The following UBE4B variants were observed in gnomAD, a reference collection of about 807,000 sequenced individuals.
The protein encoded by UBE4B is ubiquitin conjugation factor E4 B.
Under a neutral mutation model 148.1 loss-of-function variants are expected in UBE4B, and 27 were observed. That is an observed-to-expected ratio of 0.18 (90% CI 0.13 to 0.25). The LOEUF is 0.25. Among genes scored for constraint, UBE4B ranks in the 10% least tolerant of loss-of-function variants. UBE4B has a pLI of 1.00. For synonymous variants in UBE4B, 596 were observed against 619.3 expected, an observed-to-expected ratio of 0.96 and a Z score of 0.56; for missense variants, 1,170 against 1,662.4, an observed-to-expected ratio of 0.70 and a Z score of 5.15.
At chr1:10,102,107 GACAA>G (rs1178681734) in intron 4 of UBE4B, among the ~76,000 whole-genome samples, 8 of 151,390 alleles carry the variant, frequency 5.3e-5, no homozygotes, top group East Asian at 1.9e-4. Context: ...CAAAAATAAA[GACAA>G]ACAAAGGAAA....
At chr1:10,100,208 C>T (rs1644988236) in intron 3 of UBE4B, among the ~76,000 whole-genome samples, 1 of 152,140 alleles carries the variant, frequency 6.6e-6, no homozygotes, top group Admixed American at 6.5e-5. Flanking sequence ...CCAGGATGGT[C>T]TCGATTTCCT....
chr1:10,066,065 C>G (rs955894603), intron 1 of UBE4B, among the ~76,000 whole-genome samples: 6 of 140,700 alleles, frequency 4.3e-5, no homozygotes, highest in African/African-American at 1.6e-4. Context: ...CACTCCTTCC[C>G]TCTCTCCCTC....
chr1:10,068,855 G>A (rs917233934), intron 1 of UBE4B, among the ~76,000 whole-genome samples: 1 of 152,218 alleles, frequency 6.6e-6, no homozygotes, highest in African/African-American at 2.4e-5. Flanking sequence ...TCTACTGAGA[G>A]CCCTGCTGTG....
Position 10,091,296 on chromosome 1 carries a change from GGAGAGGGCAT to G in UBE4B, c.212-4162_212-4153del, listed in dbSNP as rs1414697353. Reference sequence around the variant, plus strand: ...ACCATGATTCCTCAAGTTTGGGGTGGGAGAGGGCATGAAGACAAGGGAGTGTGTGAGGTTT... The same window carrying G: ...ACCATGATTCCTCAAGTTTGGGGTGGGAAGACAAGGGAGTGTGTGAGGTTT... On this transcript the variant is annotated intron_variant, in intron 2 of 27. Coordinates refer to ENST00000343090, the MANE Select transcript of UBE4B (RefSeq NM_001105562.3). Among the ~76,000 whole-genome samples the G allele has an allele frequency of 2.3e-4, 35 of 152,314 alleles. 1 individual carries two copies. The South Asian group carries it at 6.4e-3, about 28-fold the overall frequency.
Position 10,151,433 on chromosome 1 carries a change from A to G in UBE4B, c.2798A>G (p.Lys933Arg), listed in dbSNP as rs1177437032. 1.2e-6 allele frequency: 2 copies of G among 1,614,148 alleles called. No individual in the cohort carries two copies. The highest frequency in any genetic ancestry group is 8.5e-7 in the Non-Finnish European group (1 of 1,180,032). ...ATCCGAAACCCATATTTGGTGGCCAAACTGGTAGAAGTCATGTTTATGACC... is the reference window on the plus strand; with the variant it reads ...ATCCGAAACCCATATTTGGTGGCCAGACTGGTAGAAGTCATGTTTATGACC... Reference protein sequence around the residue: ...NYIRNPYLVAKLVEVMFMTNP... With the variant: ...NYIRNPYLVARLVEVMFMTNP... Residue 933 changes from lysine to arginine, a missense_variant, in exon 21 of 28, where the codon AAA (lysine) becomes AGA (arginine). Coordinates refer to ENST00000343090, the MANE Select transcript of UBE4B (RefSeq NM_001105562.3).
chr1:10,068,381 G>A (rs1644425607), intron 1 of UBE4B, among the ~76,000 whole-genome samples: 2 of 147,772 alleles, frequency 1.4e-5, no homozygotes, highest in South Asian at 2.1e-4. Context: ...CAGGAGTCTC[G>A]CTCTGTTGCC....
Position 10,179,433 on chromosome 1 carries a change from C to T in UBE4B, c.3718C>T (p.Leu1240Phe). The T allele has an allele frequency of 6.2e-7, 1 of 1,614,010 alleles. No homozygotes were observed. Among genetic ancestry groups the T allele is most frequent in the Non-Finnish European group, 8.5e-7 (1 of 1,180,038 alleles). ...DEFRDPLMDTLMTDPVRLPSG... is the reference protein window; with the variant it reads ...DEFRDPLMDTFMTDPVRLPSG... ...CCCCGCAGACCCTCTGATGGACACC[C>T]TCATGACAGACCCCGTGCGGCTGCC... The change falls in exon 27 of 28, where the codon CTC becomes TTC. Residue 1240 changes from leucine to phenylalanine, a missense_variant. Around this residue, in one of 6 missense-constraint regions of UBE4B, gnomAD observed 348 missense variants for 627.2 expected, o/e 0.55. Transcript: ENST00000343090.
intron 2 of UBE4B, among the ~76,000 whole-genome samples, chr1:10,074,527 C>G (rs1178382651): frequency 6.6e-6 from 1 of 152,176 alleles, no homozygotes; most frequent in African/African-American, 2.4e-5. Flanking sequence ...CCCTTGCACT[C>G]TTTGCTGAAT....
chr1:10,132,308 A>G (rs1472467201), intron 14 of UBE4B, 61 bp from the exon 15 acceptor site: 1 of 1,383,160 alleles, frequency 7.2e-7, no homozygotes, highest in African/African-American at 1.4e-5. Flanking sequence ...TCGTGAAGTC[A>G]AAAAGGAATC....
At chr1:10,132,240 G>T in intron 14 of UBE4B, 129 bp from the exon 15 acceptor site, 1 of 637,792 alleles carries the variant, frequency 1.6e-6, no homozygotes, top group Non-Finnish European at 2.7e-6. Context: ...TTTCACTCAG[G>T]CTCTTCTAAA....
intron 2 of UBE4B, among the ~76,000 whole-genome samples, chr1:10,089,197 G>A (rs1458367812): frequency 6.6e-6 from 1 of 152,054 alleles, no homozygotes. Flanking sequence ...AGTAGAGACA[G>A]GGTTTCACCA....
At position 10,132,530 on chromosome 1, in the gene UBE4B, C is replaced by A. The variant is rs768968395; in HGVS notation, c.2025+48C>A. 2.6e-6 allele frequency: 4 copies of A among 1,550,282 alleles called. No homozygotes were observed. In the Admixed American group the frequency reaches 5.1e-5, roughly 20 times the overall value. Reference sequence around the variant, plus strand: ...TTCGCTGTTTGTCAAATTCATTCATCTGACCCAGATTTAGTCAGCACCTAC... The same window carrying A: ...TTCGCTGTTTGTCAAATTCATTCATATGACCCAGATTTAGTCAGCACCTAC... On this transcript the variant is annotated intron_variant, in intron 15 of 27. Coordinates refer to ENST00000343090, the MANE Select transcript of UBE4B (RefSeq NM_001105562.3).
chr1:10,162,360 A>G (rs1646177326), intron 23 of UBE4B, among the ~76,000 whole-genome samples: 1 of 151,706 alleles, frequency 6.6e-6, no homozygotes, highest in African/African-American at 2.4e-5. Flanking sequence ...TTTTTAGTAG[A>G]GATGGGGTTT....
At chr1:10,064,392 C>T (rs774320415) in intron 1 of UBE4B, among the ~76,000 whole-genome samples, 13 of 152,228 alleles carry the variant, frequency 8.5e-5, no homozygotes, top group South Asian at 2.1e-4. Context: ...ATCGCATCTC[C>T]GAGGAATTGT....
Position 10,158,364 on chromosome 1 carries a change from C to T in UBE4B, c.2935C>T (p.His979Tyr). Reference sequence around the variant, plus strand: ...TTGTCTTTCTTCTTTAGATGTTGAGCATACCGGAGCCACCAGTGAGTTTTA... The same window carrying T: ...TTGTCTTTCTTCTTTAGATGTTGAGTATACCGGAGCCACCAGTGAGTTTTA... ...SLMKFYTDVE[H>Y]TGATSEFYDK... The change falls in exon 22 of 28, where the codon CAT becomes TAT. Residue 979 changes from histidine to tyrosine, a missense_variant. By Grantham distance (83) the His-to-Tyr change is moderately conservative (BLOSUM62 2). This residue lies in a region of UBE4B where 348 missense variants were observed against 627.2 expected (regional missense o/e 0.55). Coordinates refer to ENST00000343090, the MANE Select transcript of UBE4B (RefSeq NM_001105562.3). 1.2e-6 allele frequency: 2 copies of T among 1,614,060 alleles called. No individual in the cohort carries two copies. Among genetic ancestry groups the T allele is most frequent in the Non-Finnish European group, 1.7e-6 (2 of 1,179,986 alleles).
intron 2 of UBE4B, among the ~76,000 whole-genome samples, chr1:10,076,410 A>AT (rs1644581632): frequency 6.6e-6 from 1 of 151,846 alleles, no homozygotes. Context: ...TGCCTAGCTA[A>AT]TTTTTGTATT....
rs1169663500 is a variant in UBE4B at position 10,106,137 on chromosome 1, A to C, written c.810-60A>C. The C allele has an allele frequency of 1.0e-5, 15 of 1,495,114 alleles. No individual in the cohort carries two copies. In the East Asian group the frequency reaches 3.0e-4, roughly 30 times the overall value. 92.6% of individuals were successfully genotyped at this position (1,495,114 alleles called of 1,614,324 possible). A position where few individuals can be genotyped will look rare whatever the true frequency, so the allele number is the denominator to read the frequency against. On this transcript the variant is annotated intron_variant, in intron 6 of 27. Coordinates refer to ENST00000343090, the MANE Select transcript of UBE4B (RefSeq NM_001105562.3). The surrounding 1 kb of genome is among the most constrained non-coding windows in gnomAD (Gnocchi z 4.2). ...AAGCTTGATATTTTCTGTTTTAGTT[A>C]GTTATCTCAAGTTTTTCTTTGATTT...
At chr1:10,146,832 A>T in intron 18 of UBE4B, 131 bp from the exon 19 acceptor site, 1 of 1,092,966 alleles carries the variant, frequency 9.1e-7, no homozygotes, top group Non-Finnish European at 1.3e-6. Flanking sequence ...TCTTATAGCT[A>T]GTTAGGAGAT....
intron 3 of UBE4B, among the ~76,000 whole-genome samples, chr1:10,097,781 G>A (rs1247176341): frequency 6.6e-6 from 1 of 152,004 alleles, no homozygotes. Context: ...CTGCACTCCA[G>A]CTTGGGCAAC....
Sources: gnomAD v4.1 joint callset for allele counts (sites outside exome capture counted in the v4.1 genomes callset) on GRCh38, gnomAD v4.1.1 for gene constraint, gnomAD v4.1.1 regional missense constraint, Gnocchi (gnomAD v3.1) non-coding constraint, MANE v1.5 for transcripts, NCBI Gene and HGNC (gene_info 2026-07-23, HGNC 2026-07-21) for gene names.